The following CHRM3 variants were observed in gnomAD, a reference collection of about 807,000 sequenced individuals.
The protein encoded by CHRM3 is cholinergic receptor muscarinic 3.
In CHRM3, 11 loss-of-function variants were observed where a neutral mutation model predicts 41.8. The ratio of observed to expected loss-of-function variants is 0.26; its 90% CI spans 0.17 to 0.44. The LOEUF is 0.44. CHRM3 is among the 20% of genes least tolerant of loss of function. The probability of loss-of-function intolerance (pLI) is 1.00; values close to 1 mark genes in which losing one functional copy is unlikely to be tolerated. For missense variants in CHRM3, 571 were observed against 745.4 expected, an observed-to-expected ratio of 0.77 and a Z score of 2.72; for synonymous variants, 297 against 301.4, an observed-to-expected ratio of 0.99 and a Z score of 0.15.
chr1:239,640,695 G>T (rs1296853872), intron 4 of CHRM3, among the ~76,000 whole-genome samples: 1 of 149,924 alleles, frequency 6.7e-6, no homozygotes, highest in Non-Finnish European at 1.5e-5. Context: ...TATCAATTTT[G>T]TTGATCCTTT....
chr1:239,778,576 C>T (rs1049385310), intron 5 of CHRM3, among the ~76,000 whole-genome samples: 1 of 152,190 alleles, frequency 6.6e-6, no homozygotes, highest in Non-Finnish European at 1.5e-5. Flanking sequence ...TGACCTGGAT[C>T]ATTCCCATTG....
intron 1 of CHRM3, among the ~76,000 whole-genome samples, chr1:239,417,579 G>GTTTTTTTTTTTT (rs34926014): frequency 1.6e-5 from 2 of 122,664 alleles, no homozygotes; most frequent in Non-Finnish European, 3.3e-5. Context: ...AGATTAATTT[G>GTTTTTTTTTTTT]TTTTTTTTTT....
intron 4 of CHRM3, among the ~76,000 whole-genome samples, chr1:239,655,144 A>C (rs1672600397): frequency 1.3e-5 from 2 of 152,316 alleles, no homozygotes; most frequent in South Asian, 4.1e-4. Context: ...TCATACTCTG[A>C]GACTTGTGGT....
chr1:239,387,730 A>T lies in CHRM3; in HGVS notation c.-521+503A>T, dbSNP rs1658652351. On this transcript the variant is annotated intron_variant, in intron 1 of 6. Transcript: ENST00000676153. This position sits in a 1 kb window ranked among gnomAD's most constrained non-coding sequence, Gnocchi z 5.1. ...TTCCTGTCATTTCTAAGAAGGCTAA[A>T]GCTGGCACCCGCCAACCTCGCAGTG... Among the ~76,000 whole-genome samples the T allele has an allele frequency of 6.6e-6, 1 of 152,106 alleles. No individual in the cohort carries two copies. The highest frequency in any genetic ancestry group is 1.5e-5 in the Non-Finnish European group (1 of 68,032).
intron 4 of CHRM3, among the ~76,000 whole-genome samples, chr1:239,642,982 C>G (rs1671352455): frequency 6.6e-6 from 1 of 152,192 alleles, no homozygotes; most frequent in Admixed American, 6.5e-5. Flanking sequence ...TTCTTTCTAA[C>G]AGACAGGACC....
At chr1:239,627,099 G>T (rs960650868) in intron 3 of CHRM3, among the ~76,000 whole-genome samples, 3 of 112,888 alleles carry the variant, frequency 2.7e-5, no homozygotes, top group African/African-American at 6.8e-5. Flanking sequence ...GTTGACAGTG[G>T]GGTGTTAAAG....
At chr1:239,709,608 A>G (rs993108922) in intron 5 of CHRM3, among the ~76,000 whole-genome samples, 3 of 152,148 alleles carry the variant, frequency 2.0e-5, no homozygotes, top group Admixed American at 6.5e-5. Flanking sequence ...ATTCCTTTGT[A>G]TAGACATTAA....
intron 3 of CHRM3, among the ~76,000 whole-genome samples, chr1:239,585,464 A>C (rs1037839060): frequency 2.6e-5 from 4 of 152,166 alleles, no homozygotes; most frequent in African/African-American, 9.7e-5. Flanking sequence ...GGAGCAGAAC[A>C]TCCTGTACCC....
At chr1:239,722,180 A>G (rs891788303) in intron 5 of CHRM3, among the ~76,000 whole-genome samples, 1 of 151,910 alleles carries the variant, frequency 6.6e-6, no homozygotes. Flanking sequence ...TTGTCAGGCG[A>G]TTTATAAAAA....
At chr1:239,497,343 A>G (rs1335985484) in intron 2 of CHRM3, among the ~76,000 whole-genome samples, 2 of 152,196 alleles carry the variant, frequency 1.3e-5, no homozygotes, top group Non-Finnish European at 2.9e-5. Flanking sequence ...TAATAATGGC[A>G]GAGGGTGACG....
intron 4 of CHRM3, among the ~76,000 whole-genome samples, chr1:239,632,798 T>C (rs776434792): frequency 2.6e-5 from 4 of 152,220 alleles, no homozygotes; most frequent in African/African-American, 7.2e-5. Flanking sequence ...TGCTAACATC[T>C]TACCCTAAAT....
At chr1:239,817,452 C>T (rs1671683725) in intron 5 of CHRM3, among the ~76,000 whole-genome samples, 1 of 152,018 alleles carries the variant, frequency 6.6e-6, no homozygotes, top group Non-Finnish European at 1.5e-5. Context: ...CAGAACTGCC[C>T]AAATCTTTAA....
chr1:239,690,567 C>T (rs866818814), intron 5 of CHRM3, among the ~76,000 whole-genome samples: 88 of 151,844 alleles, frequency 5.8e-4, no homozygotes, highest in African/African-American at 2.0e-3. Context: ...GCAAAATAAT[C>T]ACCAAGAAAA....
intron 1 of CHRM3, among the ~76,000 whole-genome samples, chr1:239,464,557 G>A (rs2147899009): frequency 6.6e-6 from 1 of 152,156 alleles, no homozygotes; most frequent in East Asian, 1.9e-4. Context: ...CATACTTGAA[G>A]TTTGGTGTTT....
chr1:239,496,238 T>C (rs906515708), intron 2 of CHRM3, among the ~76,000 whole-genome samples: 6 of 152,144 alleles, frequency 3.9e-5, no homozygotes, highest in African/African-American at 1.4e-4. Context: ...AACTGGCCAC[T>C]GGATGGATAT....
At chr1:239,554,729 CTTTTTTTTTTTT>C (rs750207504) in intron 3 of CHRM3, among the ~76,000 whole-genome samples, 17 of 122,984 alleles carry the variant, frequency 1.4e-4, no homozygotes, top group Admixed American at 8.7e-5. Flanking sequence ...GTATTTCTTT[CTTTTTTTTTTTT>C]TTTTTTTAGA....
chr1:239,843,038 A>G (rs1237027105), intron 6 of CHRM3, among the ~76,000 whole-genome samples: 4 of 152,104 alleles, frequency 2.6e-5, no homozygotes, highest in Non-Finnish European at 5.9e-5. Flanking sequence ...CCACACACTT[A>G]ATAAGGACAA....
chr1:239,450,232 G>A (rs1664466485), intron 1 of CHRM3, among the ~76,000 whole-genome samples: 1 of 152,076 alleles, frequency 6.6e-6, no homozygotes, highest in African/African-American at 2.4e-5. Flanking sequence ...TAAGTACCTT[G>A]TGGAAAAATA....
chr1:239,400,620 A>G (rs1219316593), intron 1 of CHRM3, among the ~76,000 whole-genome samples: 1 of 152,044 alleles, frequency 6.6e-6, no homozygotes, highest in Non-Finnish European at 1.5e-5. Flanking sequence ...ATTTGATATG[A>G]TTTTTGTATT....
Sources: allele counts gnomAD v4.1 joint callset (sites outside exome capture counted in the v4.1 genomes callset), GRCh38; gene constraint gnomAD v4.1.1; non-coding constraint Gnocchi (gnomAD v3.1); transcripts MANE v1.5; gene names NCBI Gene and HGNC (gene_info 2026-07-23, HGNC 2026-07-21).